Variants in ABCA10 observed in about 807,000 individuals in gnomAD.
ABCA10 encodes the protein ATP binding cassette subfamily A member 10, also known as ATP-binding cassette sub-family A member 10.
A neutral mutation model predicts 187.5 loss-of-function variants in ABCA10; 169 were observed. The observed-to-expected ratio is 0.90, with a 90% CI of 0.80 to 1.02. The LOEUF is 1.02. Ranked by LOEUF, ABCA10 falls within the 50% of genes least tolerant of loss-of-function variation. The pLI is 0.00. For synonymous variants in ABCA10, 574 were observed against 601.8 expected (o/e 0.95, Z 0.68); for missense variants, 1,727 against 1,812.4 (o/e 0.95, Z 0.86).
At chr17:69,193,375 A>G in intron 14 of ABCA10, 118 bp downstream of exon 14, 3 of 1,500,404 alleles carry the variant, frequency 2.0e-6, no homozygotes, top group Middle Eastern at 1.8e-4. Context: ...ACAAGCTTGC[A>G]TGGTACTTTA....
chr17:69,175,622 A>T, intron 22 of ABCA10, 109 bp from the exon 23 acceptor site: 1 of 823,772 alleles, frequency 1.2e-6, no homozygotes, highest in Non-Finnish European at 1.8e-6. Flanking sequence ...CATTCACCTG[A>T]TTTAAGAAGC....
chr17:69,243,409 T>C (rs1406821474), intron 1 of ABCA10, among the ~76,000 whole-genome samples: 1 of 152,236 alleles, frequency 6.6e-6, no homozygotes, highest in Non-Finnish European at 1.5e-5. Flanking sequence ...TACTTAATAC[T>C]GTAGGCAACT....
chr17:69,165,498 G>A (rs2074248465), intron 25 of ABCA10, among the ~76,000 whole-genome samples: 1 of 152,160 alleles, frequency 6.6e-6, no homozygotes, highest in Non-Finnish European at 1.5e-5. Context: ...TAAGCAGTCA[G>A]AGAAATGTAA....
intron 22 of ABCA10, among the ~76,000 whole-genome samples, chr17:69,178,008 G>GTTATATATATATATATATA (rs2074350311): frequency 2.0e-5 from 1 of 50,348 alleles, no homozygotes; most frequent in Admixed American, 2.0e-4. Context: ...TATATATATA[G>GTTATATATATATATATATA]TGAAATAATA....
At chr17:69,181,597 TA>T (rs541283295) in intron 22 of ABCA10, among the ~76,000 whole-genome samples, 1 of 152,186 alleles carries the variant, frequency 6.6e-6, no homozygotes, top group African/African-American at 2.4e-5. Context: ...AGTGATAGGT[TA>T]CATCTAATTT....
intron 36 of ABCA10, chr17:69,150,316 C>A: frequency 2.8e-6 from 1 of 357,902 alleles, no homozygotes; most frequent in Non-Finnish European, 5.1e-6. Flanking sequence ...TCCCACTCAG[C>A]CTGCACTTTG....
Position 69,182,763 on chromosome 17 carries a change from A to G in ABCA10, c.2543T>C (p.Ile848Thr). 1 of 1,611,880 alleles carries G rather than the reference A, an allele frequency of 6.2e-7. No individual in the cohort carries two copies. The highest frequency in any genetic ancestry group is 8.5e-7 in the Non-Finnish European group (1 of 1,178,784). The change falls in exon 21 of 39, where the codon ATA (isoleucine) becomes ACA (threonine). Residue 848 changes from isoleucine (I) to threonine (T), a missense_variant. Ile to Thr is a moderately conservative substitution (Grantham distance 89). Transcript: ENST00000690296. ...TCTAAAGTCATCTATTTCCAAAACT[A>G]TATCCTGACACTTCAGTGAATGCAC... ...DLVHSLKCQD[I>T]VLEIDDFRNR...
intron 9 of ABCA10, among the ~76,000 whole-genome samples, chr17:69,209,474 G>A (rs1293392769): frequency 6.6e-6 from 1 of 152,122 alleles, no homozygotes; most frequent in African/African-American, 2.4e-5. Flanking sequence ...GGACTAAACT[G>A]TAAACGATAG....
intron 27 of ABCA10, among the ~76,000 whole-genome samples, chr17:69,158,395 T>C (rs2074190747): frequency 1.3e-5 from 2 of 151,930 alleles, no homozygotes; most frequent in African/African-American, 2.4e-5. Flanking sequence ...GGTAAACTGA[T>C]ATAAGATAAT....
At chr17:69,213,579 C>G (rs2074677406) in intron 9 of ABCA10, among the ~76,000 whole-genome samples, 1 of 152,166 alleles carries the variant, frequency 6.6e-6, no homozygotes, top group South Asian at 2.1e-4. Context: ...ACTGTGCCCC[C>G]ACAACAGCAC....
chr17:69,192,595 C>T lies in ABCA10; in HGVS notation c.1839G>A (p.Leu613=). 1 of 1,613,622 alleles carries T rather than the reference C, an allele frequency of 6.2e-7. No individual in the cohort carries two copies. The highest frequency in any genetic ancestry group is 8.5e-7 in the Non-Finnish European group (1 of 1,179,838). Residue 613 remains leucine (L), a synonymous_variant, in exon 16 of 39, where the codon CTG becomes CTA. Transcript: ENST00000690296. Reference sequence around the variant, plus strand: ...GATATCCAATACCCCACTTTCGCTTCAGAAACAAAGATGATCCTGCACATT... The same window carrying T: ...GATATCCAATACCCCACTTTCGCTTTAGAAACAAAGATGATCCTGCACATT... ...KLKCAGSSLF[L]KRKWGIGYHL...
chr17:69,231,300 T>A (rs954462128), upstream of ABCA10, among the ~76,000 whole-genome samples: 1 of 152,188 alleles, frequency 6.6e-6, no homozygotes, highest in Admixed American at 6.6e-5. Flanking sequence ...TTTGTCTCTT[T>A]CATTCTACTA....
At chr17:69,195,963 T>G (rs892860602) in intron 11 of ABCA10, among the ~76,000 whole-genome samples, 2 of 152,192 alleles carry the variant, frequency 1.3e-5, no homozygotes, top group Non-Finnish European at 1.5e-5. Flanking sequence ...TACTTCTTTC[T>G]ACACAGACAC....
chr17:69,154,952 C>A, intron 30 of ABCA10, 67 bp downstream of exon 30: 1 of 1,210,558 alleles, frequency 8.3e-7, no homozygotes. Flanking sequence ...AATTTGTCCC[C>A]TTTGTAGTCT....
At chr17:69,187,658 A>G (rs760906885) in intron 19 of ABCA10, 23 bp downstream of exon 19, 8 of 1,605,482 alleles carry the variant, frequency 5.0e-6, no homozygotes, top group Non-Finnish European at 6.8e-6. Flanking sequence ...GACCAAATAG[A>G]TATAAAGTAA....
chr17:69,194,189 T>C (rs1440870091), intron 12 of ABCA10, among the ~76,000 whole-genome samples, 196 bp downstream of exon 12: 1 of 152,208 alleles, frequency 6.6e-6, no homozygotes, highest in African/African-American at 2.4e-5. Flanking sequence ...ATGCAAAATA[T>C]ACATGGAATG....
chr17:69,194,789 T>G (rs77650613), intron 11 of ABCA10, among the ~76,000 whole-genome samples: 11,102 of 152,148 alleles, frequency 0.073, 541 homozygotes, highest in Admixed American at 0.15. Context: ...CAAAGACTAC[T>G]AGAAATAAAA....
chr17:69,220,534 A>T (rs2074740187), intron 5 of ABCA10, among the ~76,000 whole-genome samples: 1 of 152,200 alleles, frequency 6.6e-6, no homozygotes, highest in Admixed American at 6.5e-5. Flanking sequence ...ATTTTCTCTG[A>T]TAATCCCCAG....
At position 69,201,662 on chromosome 17, in the gene ABCA10, T is replaced by C. The variant is rs1180853539; in HGVS notation, c.1013A>G (p.Asp338Gly). ...AAATAATGGAGAATCCCCATGGCCA[T>C]CTTTATCTAATTAATTAAGATACAA... ...LYFERVLPDK[D>G]GHGDSPLFFL... Residue 338 changes from aspartate (D) to glycine (G), a missense_variant, in exon 10 of 39, where the codon GAT becomes GGT. Asp to Gly is a moderately conservative substitution (Grantham distance 94). Coordinates refer to ENST00000690296, the MANE Select transcript of ABCA10 (RefSeq NM_001377321.1). 2.3e-5 allele frequency: 37 copies of C among 1,597,404 alleles called. No homozygotes were observed. Among genetic ancestry groups the C allele is most frequent in the Non-Finnish European group, 3.2e-5 (37 of 1,173,870 alleles).
Sources: gnomAD v4.1 joint callset for allele counts (sites outside exome capture counted in the v4.1 genomes callset) on GRCh38, gnomAD v4.1.1 for gene constraint, MANE v1.5 for transcripts, NCBI Gene and HGNC (gene_info 2026-07-23, HGNC 2026-07-21) for gene names.